BPNT1: variants seen among roughly 807,000 people sequenced by gnomAD.
BPNT1 encodes 3'(2'),5'-bisphosphate nucleotidase 1.
BPNT1 carries 28 observed loss-of-function variants against 36.9 expected under a neutral mutation model. The ratio of observed to expected loss-of-function variants is 0.76; its 90% confidence interval spans 0.56 to 1.04. The LOEUF (loss-of-function observed/expected upper bound fraction) is 1.04, where lower values mean the gene tolerates loss of function less well. Ranked by LOEUF, BPNT1 falls within the 50% of genes least tolerant of loss-of-function variation. The pLI, the probability that BPNT1 is intolerant of heterozygous loss-of-function variation, is 0.00. For synonymous variants in BPNT1, 119 were observed against 130.9 expected, an observed-to-expected ratio of 0.91 and a Z score of 0.62; for missense variants, 313 against 372.9, an observed-to-expected ratio of 0.84 and a Z score of 1.32.
intron 1 of BPNT1, 127 bp from the exon 2 acceptor site, chr1:220,079,981 T>C: frequency 1.1e-6 from 1 of 925,098 alleles, no homozygotes; most frequent in Non-Finnish European, 1.5e-6. Flanking sequence ...ACTGAGTAAA[T>C]TCTTTAATAT....
rs561085949 is a variant in BPNT1 at position 220,062,192 on chromosome 1, T to C, written c.672+565A>G. ...AGTTTTAGGGTACATGTGCACAATGTGCAGGTTAGTTACATATGTATACAT... is the reference window on the plus strand; with the variant it reads ...AGTTTTAGGGTACATGTGCACAATGCGCAGGTTAGTTACATATGTATACAT... On this transcript the variant is annotated intron_variant, in intron 7 of 8. Coordinates refer to ENST00000322067, the MANE Select transcript of BPNT1 (RefSeq NM_006085.6). Among the ~76,000 whole-genome samples, 102 of 151,940 alleles carry C rather than the reference T, an allele frequency of 6.7e-4. 1 individual carries two copies. The highest frequency in any genetic ancestry group is 1.1e-3 in the Non-Finnish European group (76 of 67,954).
intron 6 of BPNT1, among the ~76,000 whole-genome samples, chr1:220,065,043 T>G (rs1456730370): frequency 2.0e-5 from 3 of 152,096 alleles, no homozygotes; most frequent in Admixed American, 2.0e-4. Context: ...CTCCTGACCT[T>G]GTGATCCACC....
chr1:220,060,990 A>C (rs1662975555), intron 7 of BPNT1, among the ~76,000 whole-genome samples: 1 of 152,232 alleles, frequency 6.6e-6, no homozygotes, highest in South Asian at 2.1e-4. Context: ...GTTCAGATTA[A>C]GATAAAGATT....
chr1:220,069,844 G>A (rs1278706572), intron 4 of BPNT1, among the ~76,000 whole-genome samples: 1 of 152,044 alleles, frequency 6.6e-6, no homozygotes, highest in Non-Finnish European at 1.5e-5. Context: ...GCTGAGGCAG[G>A]AGAATCACTT....
At chr1:220,076,786 G>C (rs1664594356) in intron 2 of BPNT1, among the ~76,000 whole-genome samples, 2 of 151,636 alleles carry the variant, frequency 1.3e-5, no homozygotes, top group African/African-American at 2.4e-5. Flanking sequence ...TACCAAGCAT[G>C]TCTGTAGTCA....
At position 220,057,911 on chromosome 1, in the gene BPNT1, C is replaced by G; in HGVS notation, c.*933G>C. ...ATCTGGTTTAGGCCAGGTGCGGTGGCTCACACCTGTAATCCCAGCACTTTG... is the reference window on the plus strand; with the variant it reads ...ATCTGGTTTAGGCCAGGTGCGGTGGGTCACACCTGTAATCCCAGCACTTTG... On this transcript the variant is annotated 3_prime_UTR_variant, in exon 9 of 9. Transcript: ENST00000322067. 7.8e-7 allele frequency: 1 copy of G among 1,280,838 alleles called. No individual in the cohort carries two copies. The highest frequency in any genetic ancestry group is 1.0e-6 in the Non-Finnish European group (1 of 970,444). 79.3% of individuals were successfully genotyped at this position (1,280,838 alleles called of 1,614,324 possible).
chr1:220,072,264 G>A (rs1203956566), intron 4 of BPNT1, among the ~76,000 whole-genome samples: 1 of 151,862 alleles, frequency 6.6e-6, no homozygotes, highest in East Asian at 2.0e-4. Context: ...TTGGGAGGCT[G>A]AGGCAGGAGA....
intron 6 of BPNT1, 22 bp from the exon 7 acceptor site, chr1:220,062,976 C>G (rs979253738): frequency 6.2e-7 from 1 of 1,610,880 alleles, no homozygotes; most frequent in African/African-American, 1.3e-5. Flanking sequence ...AGTGAAACAA[C>G]AAGACTTGTG....
At chr1:220,059,537 T>C (rs746866178) in intron 8 of BPNT1, 149 bp downstream of exon 8, 15 of 521,038 alleles carry the variant, frequency 2.9e-5, no homozygotes, top group Non-Finnish European at 4.0e-5. Flanking sequence ...CCATCTATCA[T>C]ATGAGGGGTT....
At chr1:220,086,817 G>A (rs750389627) in intron 1 of BPNT1, among the ~76,000 whole-genome samples, 9 of 151,400 alleles carry the variant, frequency 5.9e-5, no homozygotes, top group Non-Finnish European at 1.2e-4. Flanking sequence ...CTTGTGATCC[G>A]CCTGCCTCCC....
At chr1:220,062,483 T>A (rs1374552348) in intron 7 of BPNT1, among the ~76,000 whole-genome samples, 1 of 152,152 alleles carries the variant, frequency 6.6e-6, no homozygotes, top group Non-Finnish European at 1.5e-5. Flanking sequence ...TCATCATTTT[T>A]TATGGCTGCA....
At chr1:220,084,183 T>C (rs1203303894) in intron 1 of BPNT1, among the ~76,000 whole-genome samples, 1 of 151,604 alleles carries the variant, frequency 6.6e-6, no homozygotes, top group Non-Finnish European at 1.5e-5. Flanking sequence ...ATACAAAAAA[T>C]TAGTCGGGCG....
At chr1:220,083,112 C>G (rs1030828502) in intron 1 of BPNT1, among the ~76,000 whole-genome samples, 1 of 151,160 alleles carries the variant, frequency 6.6e-6, no homozygotes, top group Non-Finnish European at 1.5e-5. Flanking sequence ...TGGCATGCAC[C>G]TGTAATCCCA....
chr1:220,074,250 G>T (rs1408924731), intron 2 of BPNT1, among the ~76,000 whole-genome samples, 179 bp from the exon 3 acceptor site: 1 of 152,164 alleles, frequency 6.6e-6, no homozygotes, highest in African/African-American at 2.4e-5. Flanking sequence ...TTAATAGTGG[G>T]TAAAGTTTGG....
chr1:220,075,009 G>T (rs562743608), intron 2 of BPNT1, among the ~76,000 whole-genome samples: 1 of 152,214 alleles, frequency 6.6e-6, no homozygotes, highest in East Asian at 1.9e-4. Flanking sequence ...TGGTTAAGTA[G>T]ATTTACAGAT....
In BPNT1 at chr1:220,058,194, T is replaced by A. The variant is rs888447925; in HGVS notation, c.*650A>T. Reference sequence around the variant, plus strand: ...CCGTCTCAGGAAAAAAAAAGAGAAATCTGGTTTAGAAGATAGGAATGTTCA... The same window carrying A: ...CCGTCTCAGGAAAAAAAAAGAGAAAACTGGTTTAGAAGATAGGAATGTTCA... On this transcript the variant is annotated 3_prime_UTR_variant, in exon 9 of 9. Coordinates refer to ENST00000322067, the MANE Select transcript of BPNT1 (RefSeq NM_006085.6). 5 of 998,838 alleles carry A rather than the reference T, an allele frequency of 5.0e-6. No homozygotes were observed. Among genetic ancestry groups the A allele is most frequent in the Non-Finnish European group, 6.0e-6 (5 of 836,782 alleles). The allele number at this position is 998,838 out of a possible 1,614,324, so 61.9% of individuals were successfully genotyped here.
intron 2 of BPNT1, among the ~76,000 whole-genome samples, chr1:220,078,073 G>C (rs1043262799): frequency 7.3e-5 from 11 of 151,402 alleles, no homozygotes; most frequent in Non-Finnish European, 1.2e-4. Flanking sequence ...TACTCAGGAG[G>C]CTAAGCCAAG....
At chr1:220,082,261 A>G (rs1655251440) in intron 1 of BPNT1, among the ~76,000 whole-genome samples, 1 of 150,242 alleles carries the variant, frequency 6.7e-6, no homozygotes, top group Non-Finnish European at 1.5e-5. Context: ...GCTCACTGCA[A>G]ACTCTGCCTC....
chr1:220,081,177 C>G (rs1655080362), intron 1 of BPNT1, among the ~76,000 whole-genome samples: 1 of 152,098 alleles, frequency 6.6e-6, no homozygotes, highest in Non-Finnish European at 1.5e-5. Context: ...CCTCGTGATC[C>G]CCCCCCTTGG....
Sources: allele counts gnomAD v4.1 joint callset (sites outside exome capture counted in the v4.1 genomes callset), GRCh38; gene constraint gnomAD v4.1.1; transcripts MANE v1.5; gene names NCBI Gene and HGNC (gene_info 2026-07-23, HGNC 2026-07-21).